Variants in ESCO1 observed in about 807,000 individuals in gnomAD.
ESCO1 encodes establishment of sister chromatid cohesion N-acetyltransferase 1, also known as N-acetyltransferase ESCO1.
A neutral mutation model predicts 83.5 loss-of-function variants in ESCO1; 33 were observed. The ratio of observed to expected loss-of-function variants is 0.40; its 90% CI spans 0.30 to 0.53. The LOEUF is 0.53. Ranked by LOEUF, ESCO1 falls within the 20% of genes least tolerant of loss-of-function variation. ESCO1 has a pLI of 0.63. For missense variants in ESCO1, 855 were observed against 968.0 expected (o/e 0.88, Z 1.55); for synonymous variants, 332 against 324.3 (o/e 1.02, Z -0.25).
At chr18:21,567,081 A>T (rs1188177469) in intron 5 of ESCO1, among the ~76,000 whole-genome samples, 1 of 152,080 alleles carries the variant, frequency 6.6e-6, no homozygotes, top group Non-Finnish European at 1.5e-5. Context: ...GAATTAAGAG[A>T]TTTCTTTTCT....
intron 8 of ESCO1, among the ~76,000 whole-genome samples, chr18:21,559,502 GAAGAATTAAGACTTTGA>G (rs914704491): frequency 6.6e-6 from 1 of 152,202 alleles, no homozygotes; most frequent in Non-Finnish European, 1.5e-5. Context: ...TCCTTAAGGT[GAAGAATTAAGACTTTGA>G]AATAAAATGT....
At chr18:21,531,835 G>T (rs2037770446) in intron 11 of ESCO1, among the ~76,000 whole-genome samples, 1 of 134,648 alleles carries the variant, frequency 7.4e-6, no homozygotes, top group South Asian at 2.4e-4. Flanking sequence ...AGAGGTTGCA[G>T]TGAGCAGAGA....
intron 8 of ESCO1, among the ~76,000 whole-genome samples, chr18:21,545,985 T>A (rs2037969472): frequency 6.6e-6 from 1 of 152,150 alleles, no homozygotes; most frequent in Admixed American, 6.5e-5. Flanking sequence ...CATATGGCCA[T>A]ATTGAACTTC....
intron 1 of ESCO1, among the ~76,000 whole-genome samples, chr18:21,586,984 T>TCTC (rs2038590890): frequency 6.6e-6 from 1 of 152,190 alleles, no homozygotes; most frequent in African/African-American, 2.4e-5. Context: ...TTTTTCTGCA[T>TCTC]CTATTGAGGT....
intron 1 of ESCO1, among the ~76,000 whole-genome samples, chr18:21,599,651 TA>T (rs1378712300): frequency 6.6e-6 from 1 of 152,162 alleles, no homozygotes; most frequent in Non-Finnish European, 1.5e-5. Flanking sequence ...CAGCTAAGAC[TA>T]CAGAAAACAT....
chr18:21,535,966 G>C (rs2037831657), intron 10 of ESCO1, 76 bp downstream of exon 10: 14 of 1,526,578 alleles, frequency 9.2e-6, no homozygotes, highest in Admixed American at 2.0e-5. Context: ...AAATTTATCA[G>C]GATTTATGTT....
chr18:21,579,384 C>T (rs1168283678), intron 2 of ESCO1, among the ~76,000 whole-genome samples: 2 of 151,860 alleles, frequency 1.3e-5, no homozygotes, highest in African/African-American at 4.8e-5. Context: ...ATGACATGAG[C>T]TCAGGAGTCT....
chr18:21,547,125 T>C (rs1568095381), intron 8 of ESCO1, among the ~76,000 whole-genome samples: 2 of 152,238 alleles, frequency 1.3e-5, no homozygotes, highest in African/African-American at 4.8e-5. Flanking sequence ...TCATATGTCC[T>C]TGCTCTATGC....
chr18:21,549,209 A>G (rs2038013335), intron 8 of ESCO1, among the ~76,000 whole-genome samples: 1 of 152,212 alleles, frequency 6.6e-6, no homozygotes, highest in Non-Finnish European at 1.5e-5. Context: ...CCATTTGAGT[A>G]TCCATCTCAC....
chr18:21,573,455 C>T lies in ESCO1; in HGVS notation c.1389G>A (p.Val463=), dbSNP rs1362987211. The change falls in exon 4 of 12, where the codon GTG becomes GTA. Residue 463 remains valine, a synonymous_variant. Coordinates refer to ENST00000269214, the MANE Select transcript of ESCO1 (RefSeq NM_052911.3). The part of the protein sequence containing the change: ...EKMKEINSEE[V]KINDITVEIN... ...TTTCTACTGTAATATCATTAATTTT[C>T]ACTTCTTCAGAATTAATTTCTTTCA... The T allele has an allele frequency of 6.2e-7, 1 of 1,612,002 alleles. No individual in the cohort carries two copies. The highest frequency in any genetic ancestry group is 8.5e-7 in the Non-Finnish European group (1 of 1,179,536).
intron 8 of ESCO1, among the ~76,000 whole-genome samples, chr18:21,548,191 T>C (rs2037998689): frequency 6.6e-6 from 1 of 151,972 alleles, no homozygotes; most frequent in African/African-American, 2.4e-5. Flanking sequence ...GGGAATGCTA[T>C]GAACTAAAAA....
rs576610456 is a variant in ESCO1 at position 21,538,524 on chromosome 18, C to T, written c.2043+1396G>A. 1.6e-4 allele frequency among the ~76,000 whole-genome samples: 25 copies of T among 152,166 alleles called. No homozygotes were observed. The East Asian group carries it at 4.2e-3, about 26-fold the overall frequency. On this transcript the variant is annotated intron_variant, in intron 9 of 11. Transcript: ENST00000269214. ...CTGTTAGGCAGCAGTAATATGAAAG[C>T]TTATTTGGGTATCTAAGATTGTCCA...
chr18:21,572,104 T>C (rs1420274711), intron 4 of ESCO1, among the ~76,000 whole-genome samples: 2 of 152,216 alleles, frequency 1.3e-5, no homozygotes, highest in African/African-American at 4.8e-5. Context: ...TGATTACTTT[T>C]TTTGCTCAAA....
intron 8 of ESCO1, among the ~76,000 whole-genome samples, chr18:21,558,408 AT>A (rs1269111711): frequency 6.6e-6 from 1 of 152,140 alleles, no homozygotes; most frequent in Non-Finnish European, 1.5e-5. Context: ...AGAAAAAGGT[AT>A]TTATCATATT....
chr18:21,568,858 G>C (rs999017403), intron 4 of ESCO1, among the ~76,000 whole-genome samples: 6 of 150,310 alleles, frequency 4.0e-5, no homozygotes, highest in African/African-American at 1.5e-4. Flanking sequence ...AGCCAGGATA[G>C]TGCCACTGCA....
chr18:21,555,056 A>G (rs995570744), intron 8 of ESCO1, among the ~76,000 whole-genome samples: 1 of 152,218 alleles, frequency 6.6e-6, no homozygotes, highest in Admixed American at 6.5e-5. Context: ...AGATCACGCC[A>G]CTGCACTCCA....
chr18:21,594,705 A>AT (rs2038735106), intron 1 of ESCO1, among the ~76,000 whole-genome samples: 1 of 151,264 alleles, frequency 6.6e-6, no homozygotes, highest in Non-Finnish European at 1.5e-5. Context: ...CTCCATCTCA[A>AT]AAAAAAAAAG....
At chr18:21,558,738 A>C (rs995398499) in intron 8 of ESCO1, among the ~76,000 whole-genome samples, 2 of 151,976 alleles carry the variant, frequency 1.3e-5, no homozygotes, top group Non-Finnish European at 2.9e-5. Context: ...AAAAAAAAAA[A>C]AAAAAAAAAA....
At chr18:21,591,164 G>A (rs1208762731) in intron 1 of ESCO1, among the ~76,000 whole-genome samples, 1 of 152,078 alleles carries the variant, frequency 6.6e-6, no homozygotes, top group Non-Finnish European at 1.5e-5. Flanking sequence ...ATCCAGGTAG[G>A]CCCTAAATCC....
Sources: allele counts gnomAD v4.1 joint callset (sites outside exome capture counted in the v4.1 genomes callset), GRCh38; gene constraint gnomAD v4.1.1; transcripts MANE v1.5; gene names NCBI Gene and HGNC (gene_info 2026-07-23, HGNC 2026-07-21).